ZNF688: variants seen among roughly 807,000 people sequenced by gnomAD.
The protein encoded by ZNF688 is zinc finger protein 688.
ZNF688 carries 10 observed loss-of-function variants against 13.2 expected under a neutral mutation model. The observed-to-expected ratio is 0.76, with a 90% confidence interval of 0.47 to 1.28. The LOEUF is 1.28. Among genes scored for constraint, ZNF688 ranks in the 50% most tolerant of loss-of-function variants. ZNF688 has a pLI of 0.00. For synonymous variants in ZNF688, 160 were observed against 159.4 expected (o/e 1.00, Z -0.03); for missense variants, 381 against 391.4 (o/e 0.97, Z 0.22).
chr16:30,575,433 G>A (rs138483356), upstream of ZNF688, among the ~76,000 whole-genome samples: 591 of 152,014 alleles, frequency 3.9e-3, 7 homozygotes, highest in Middle Eastern at 6.8e-3. Context: ...TTTTAGTAGA[G>A]AAGGGGTTTT....
upstream of ZNF688, among the ~76,000 whole-genome samples, chr16:30,573,094 C>T (rs1359052898): frequency 6.6e-6 from 1 of 151,764 alleles, no homozygotes; most frequent in East Asian, 1.9e-4. Context: ...TTAGTAGAGA[C>T]GGGGTTTCTC....
upstream of ZNF688, among the ~76,000 whole-genome samples, chr16:30,575,371 C>T (rs546036734): frequency 2.0e-5 from 3 of 151,918 alleles, no homozygotes; most frequent in Admixed American, 6.6e-5. Flanking sequence ...CTCAGCCTCA[C>T]AAGTAGCTGG....
At position 30,570,722 on chromosome 16, in the gene ZNF688, ATTATTTAT is replaced by A. The variant is rs3072029; in HGVS notation, c.310+280_310+287del. 8.5e-3 allele frequency: 2,549 copies of A among 300,032 alleles called. 60 individuals carry two copies. Among genetic ancestry groups the A allele is most frequent in the East Asian group, 0.05 (1,025 of 20,486 alleles). 18.6% of individuals were successfully genotyped at this position (300,032 alleles called of 1,614,324 possible). On this transcript the variant is annotated intron_variant, in intron 2 of 2. Transcript: ENST00000223459. ...AGGAAGTGCTCAGGAAGCAGGGGCT[ATTATTTAT>A]TTATTTATTTATTTATTTATTTATT...
upstream of ZNF688, chr16:30,572,298 C>G: frequency 1.4e-6 from 2 of 1,467,876 alleles, no homozygotes; most frequent in Non-Finnish European, 1.8e-6. Flanking sequence ...GGATTGTGTC[C>G]CCTACGGTCT....
upstream of ZNF688, among the ~76,000 whole-genome samples, chr16:30,572,910 T>C (rs1349993754): frequency 6.6e-6 from 1 of 151,790 alleles, no homozygotes; most frequent in Non-Finnish European, 1.5e-5. Flanking sequence ...TTACTCTTGT[T>C]GCCCAGGCTG....
At chr16:30,572,392 T>C, upstream of ZNF688, 1 of 1,200,194 alleles carries the variant, frequency 8.3e-7, no homozygotes, top group Non-Finnish European at 1.1e-6. Context: ...AAACCATGTG[T>C]ACACCCGCGG....
chr16:30,571,389 G>A (rs1406384261), intron 1 of ZNF688, 45 bp downstream of exon 1: 1 of 1,543,492 alleles, frequency 6.5e-7, no homozygotes, highest in East Asian at 2.4e-5. Flanking sequence ...CATCTCCCCT[G>A]TGAACCCGGT....
At chr16:30,577,229 C>A (rs2051755045), upstream of ZNF688, among the ~76,000 whole-genome samples, 2 of 152,122 alleles carry the variant, frequency 1.3e-5, no homozygotes, top group South Asian at 4.1e-4. Flanking sequence ...TATTTGGATT[C>A]TCCTTTTAAA....
chr16:30,572,121 C>A (rs1179756518), upstream of ZNF688: 9 of 1,582,846 alleles, frequency 5.7e-6, no homozygotes, highest in Non-Finnish European at 6.9e-6. Flanking sequence ...GCTTCACTTA[C>A]CCCTCTGTAC....
chr16:30,571,155 T>C, intron 1 of ZNF688, 32 bp from the exon 2 acceptor site: 1 of 1,553,636 alleles, frequency 6.4e-7, no homozygotes. Flanking sequence ...AGCGCGGGCC[T>C]GAGAGGCCAT....
At chr16:30,574,860 C>G (rs1395930494), upstream of ZNF688, among the ~76,000 whole-genome samples, 2 of 152,142 alleles carry the variant, frequency 1.3e-5, no homozygotes, top group Non-Finnish European at 2.9e-5. Context: ...CTTCATCCAC[C>G]TCTCCCACCC....
At chr16:30,573,828 TTAA>T (rs1597142073), upstream of ZNF688, 1 of 321,424 alleles carries the variant, frequency 3.1e-6, no homozygotes, top group Non-Finnish European at 6.1e-6. Context: ...TTAAATATTA[TTAA>T]TATGCTTACA....
chr16:30,574,451 C>A (rs1463508553), upstream of ZNF688, among the ~76,000 whole-genome samples: 1 of 151,472 alleles, frequency 6.6e-6, no homozygotes, highest in Non-Finnish European at 1.5e-5. Flanking sequence ...GAGGCTGAGG[C>A]ACAAGAATGG....
At chr16:30,570,500 A>C (rs995678318) in intron 2 of ZNF688, 64 bp from the exon 3 acceptor site, 2 of 1,539,370 alleles carry the variant, frequency 1.3e-6, no homozygotes, top group African/African-American at 2.7e-5. Flanking sequence ...AGGTTATAGA[A>C]TGCTTTTCAC....
At position 30,570,503 on chromosome 16, in the gene ZNF688, C is replaced by T. The variant is rs1026901787; in HGVS notation, c.311-67G>A. 42 of 1,533,824 alleles carry T rather than the reference C, an allele frequency of 2.7e-5. No homozygotes were observed. In the Admixed American group the frequency reaches 7.3e-4, roughly 27 times the overall value. ...ACAGACTGTCTCAGGTTATAGAATG[C>T]TTTTCACTTAAGGCAGTGAGGGAAG... On this transcript the variant is annotated intron_variant, in intron 2 of 2. Coordinates refer to ENST00000223459, the MANE Select transcript of ZNF688 (RefSeq NM_145271.4).
chr16:30,571,744 C>G (rs1254469037), upstream of ZNF688: 1 of 1,335,958 alleles, frequency 7.5e-7, no homozygotes, highest in Non-Finnish European at 9.5e-7. Flanking sequence ...CCGTGGCGTC[C>G]GAACGCAGCC....
In ZNF688 at chr16:30,570,371, C is replaced by A; in HGVS notation, c.376G>T (p.Ala126Ser). Residue 126 changes from alanine to serine, a missense_variant, in exon 3 of 3, where the codon GCT (alanine) becomes TCT (serine). Coordinates refer to ENST00000223459, the MANE Select transcript of ZNF688 (RefSeq NM_145271.4). ...ACTTCAGGACTCTCCTTCACAGGAG[C>A]CTTTCTAGGCCCTTTGGCTCTTGGG... ...EVPRAKGPRK[A>S]PVKESPEVLV... The A allele has an allele frequency of 6.2e-7, 1 of 1,613,980 alleles. No individual in the cohort carries two copies. The highest frequency in any genetic ancestry group is 1.1e-5 in the South Asian group (1 of 91,088).
At position 30,571,664 on chromosome 16, in the gene ZNF688, C is replaced by G; in HGVS notation, c.-35G>C. 7.3e-7 allele frequency: 1 copy of G among 1,364,566 alleles called. No individual in the cohort carries two copies. Among genetic ancestry groups the G allele is most frequent in the South Asian group, 1.8e-5 (1 of 54,898 alleles). 84.5% of individuals were successfully genotyped at this position (1,364,566 alleles called of 1,614,324 possible). A position where few individuals can be genotyped will look rare whatever the true frequency, so the allele number is the denominator to read the frequency against. Reference sequence around the variant, plus strand: ...CAGCCCCGATCGGCGGCCGCCAGGTCCCTGGAGCCGCCGCCTCCCCGCTCC... The same window carrying G: ...CAGCCCCGATCGGCGGCCGCCAGGTGCCTGGAGCCGCCGCCTCCCCGCTCC... On this transcript the variant is annotated 5_prime_UTR_variant, in exon 1 of 3. Coordinates refer to ENST00000223459, the MANE Select transcript of ZNF688 (RefSeq NM_145271.4).
At chr16:30,573,146 ATCC>A (rs2051712300), upstream of ZNF688, among the ~76,000 whole-genome samples, 1 of 152,148 alleles carries the variant, frequency 6.6e-6, no homozygotes, top group East Asian at 1.9e-4. Flanking sequence ...ACCTCAGGTG[ATCC>A]TCCCGCCTCA....
Sources: gnomAD v4.1 joint callset for allele counts (sites outside exome capture counted in the v4.1 genomes callset) on GRCh38, gnomAD v4.1.1 for gene constraint, MANE v1.5 for transcripts, NCBI Gene and HGNC (gene_info 2026-07-23, HGNC 2026-07-21) for gene names.